Variants in CLTB observed in about 807,000 individuals in gnomAD.
The protein encoded by CLTB is clathrin, light chain (Lcb).
CLTB carries 10 observed loss-of-function variants against 30.5 expected under a neutral mutation model. That is an observed-to-expected ratio of 0.33 (90% CI 0.20 to 0.56). The LOEUF is 0.56. CLTB is among the 20% of genes least tolerant of loss of function. The pLI is 0.91. For missense variants in CLTB, 261 were observed against 308.3 expected (o/e 0.85, Z 1.15); for synonymous variants, 102 against 120.3 (o/e 0.85, Z 1.00).
At chr5:176,394,573 T>G (rs1756413745) in intron 5 of CLTB, among the ~76,000 whole-genome samples, 1 of 151,492 alleles carries the variant, frequency 6.6e-6, no homozygotes, top group Admixed American at 6.6e-5. Flanking sequence ...ATCCCAGCAC[T>G]TTGGGAGGCC....
chr5:176,403,281 C>A (rs377672850), intron 2 of CLTB, among the ~76,000 whole-genome samples: 27 of 152,204 alleles, frequency 1.8e-4, no homozygotes, highest in African/African-American at 6.5e-4. Flanking sequence ...AACTCCTGAT[C>A]TCAGGTGATC....
chr5:176,402,785 T>G (rs1212681093), intron 2 of CLTB, among the ~76,000 whole-genome samples: 1 of 152,136 alleles, frequency 6.6e-6, no homozygotes, highest in Non-Finnish European at 1.5e-5. Flanking sequence ...AACGTGAACC[T>G]TGCTGGAACA....
intron 4 of CLTB, 47 bp from the exon 5 acceptor site, chr5:176,396,579 G>A (rs1255833584): frequency 7.1e-7 from 1 of 1,404,446 alleles, no homozygotes; most frequent in East Asian, 2.3e-5. Flanking sequence ...GAAGGCAGAT[G>A]GCAAGACAGA....
At chr5:176,401,346 A>G (rs13182101) in intron 2 of CLTB, among the ~76,000 whole-genome samples, 14,073 of 152,290 alleles carry the variant, frequency 0.092, 768 homozygotes, top group African/African-American at 0.12. Context: ...GAAGTTGGAA[A>G]TAAAAATAAA....
At chr5:176,401,089 A>G (rs1756796335) in intron 2 of CLTB, among the ~76,000 whole-genome samples, 2 of 152,210 alleles carry the variant, frequency 1.3e-5, no homozygotes, top group Non-Finnish European at 2.9e-5. Flanking sequence ...CTCTCTCCCA[A>G]CATCCCAGTG....
chr5:176,415,799 C>T (rs759169944), intron 1 of CLTB, among the ~76,000 whole-genome samples: 20 of 152,174 alleles, frequency 1.3e-4, no homozygotes, highest in Non-Finnish European at 2.2e-4. Context: ...CCTGAGGGGC[C>T]AGGAGGGCTG....
At chr5:176,412,163 G>A (rs1416365465) in intron 1 of CLTB, among the ~76,000 whole-genome samples, 1 of 141,230 alleles carries the variant, frequency 7.1e-6, no homozygotes, top group South Asian at 2.3e-4. Flanking sequence ...GCGACAGAGT[G>A]AGACTCATCT....
chr5:176,408,830 C>T (rs977883588), intron 2 of CLTB, among the ~76,000 whole-genome samples: 1 of 152,198 alleles, frequency 6.6e-6, no homozygotes, highest in Non-Finnish European at 1.5e-5. Flanking sequence ...GGGTTTTCCT[C>T]GTTTTTTGCA....
intron 2 of CLTB, chr5:176,401,650 G>C: frequency 2.2e-6 from 1 of 444,926 alleles, no homozygotes; most frequent in Non-Finnish European, 4.5e-6. Flanking sequence ...GGCAGTGGGG[G>C]CTGCCTCCTG....
intron 5 of CLTB, among the ~76,000 whole-genome samples, chr5:176,395,692 A>C (rs1756488218): frequency 1.3e-5 from 2 of 152,074 alleles, no homozygotes; most frequent in African/African-American, 2.4e-5. Flanking sequence ...AACCTGAAAC[A>C]TGTGAGGGGG....
chr5:176,398,117 G>C (rs919173989), intron 2 of CLTB, 70 bp from the exon 3 acceptor site: 25 of 1,397,054 alleles, frequency 1.8e-5, no homozygotes, highest in Non-Finnish European at 2.3e-5. Flanking sequence ...GCCCCTGCTG[G>C]GGACCCACTC....
chr5:176,399,005 G>A (rs913316887), intron 2 of CLTB, among the ~76,000 whole-genome samples: 1 of 151,892 alleles, frequency 6.6e-6, no homozygotes, highest in African/African-American at 2.4e-5. Context: ...ACGACACCCG[G>A]CTAATTTTTT....
Position 176,396,479 on chromosome 5 carries a change from A to G in CLTB, c.518T>C (p.Val173Ala), listed in dbSNP as rs1756526234. The G allele has an allele frequency of 6.2e-7, 1 of 1,613,366 alleles. No individual in the cohort carries two copies. The highest frequency in any genetic ancestry group is 8.5e-7 in the Non-Finnish European group (1 of 1,179,454). ...QQPDADIIGY[V>A]ASEEAFVKES... ...ACAGAGAAGCAAAACAGACACGTAC[A>G]CGTAGCCGATGATATCAGCATCTGG... The change falls in exon 5 of 6, where the codon GTG becomes GCG. Residue 173 changes from valine to alanine, a missense_variant and splice_region_variant. By Grantham distance (64) the Val-to-Ala change is moderately conservative (BLOSUM62 0). Coordinates refer to ENST00000310418, the MANE Select transcript of CLTB (RefSeq NM_007097.5).
chr5:176,404,319 C>A (rs187872211), intron 2 of CLTB, among the ~76,000 whole-genome samples: 3 of 152,266 alleles, frequency 2.0e-5, no homozygotes, highest in Non-Finnish European at 4.4e-5. Context: ...GACGCACCCC[C>A]ACACACCACC....
In CLTB at chr5:176,397,702, G is replaced by T; in HGVS notation, c.369C>A (p.Val123=). Residue 123 remains valine, a synonymous_variant, in exon 4 of 6, where the codon GTC becomes GTA. Transcript: ENST00000310418. The part of the protein sequence containing the change: ...RLQELDAASK[V]TEQEWREKAK... Reference sequence around the variant, plus strand: ...CCTTCTCCCGCCATTCCTGTTCCGTGACCTTAGATGCAGCATCTAGGACCC... The same window carrying T: ...CCTTCTCCCGCCATTCCTGTTCCGTTACCTTAGATGCAGCATCTAGGACCC... 6.2e-7 allele frequency: 1 copy of T among 1,613,812 alleles called. No individual in the cohort carries two copies. The highest frequency in any genetic ancestry group is 8.5e-7 in the Non-Finnish European group (1 of 1,179,940).
intron 1 of CLTB, among the ~76,000 whole-genome samples, chr5:176,412,918 G>A (rs1757518385): frequency 1.3e-5 from 2 of 152,010 alleles, no homozygotes; most frequent in Admixed American, 1.3e-4. Context: ...CTGTGATGCC[G>A]GTCTGTACAT....
At chr5:176,406,131 C>T in intron 2 of CLTB, 2 of 986,122 alleles carry the variant, frequency 2.0e-6, no homozygotes, top group Non-Finnish European at 2.4e-6. Context: ...GTGTCACGGG[C>T]CACAACTGGG....
chr5:176,411,442 T>C (rs1441370559), intron 1 of CLTB, among the ~76,000 whole-genome samples: 1 of 152,222 alleles, frequency 6.6e-6, no homozygotes, highest in Non-Finnish European at 1.5e-5. Context: ...CCTGGAAGGC[T>C]GCTCCCTCAC....
At chr5:176,406,343 T>C in intron 2 of CLTB, 1 of 1,112,004 alleles carries the variant, frequency 9.0e-7, no homozygotes, top group South Asian at 2.0e-5. Flanking sequence ...CTCCCTAGAA[T>C]CCCTCTCCTG....
Sources: gnomAD v4.1 joint callset for allele counts (sites outside exome capture counted in the v4.1 genomes callset) on GRCh38, gnomAD v4.1.1 for gene constraint, MANE v1.5 for transcripts, NCBI Gene and HGNC (gene_info 2026-07-23, HGNC 2026-07-21) for gene names.